TRIB2: variants seen among roughly 807,000 people sequenced by gnomAD.
TRIB2 encodes the protein tribbles homolog 2.
TRIB2 carries 2 observed loss-of-function variants against 26.8 expected under a neutral mutation model. The ratio of observed to expected loss-of-function variants is 0.07; its 90% CI spans 0.03 to 0.24. The LOEUF is 0.24. Among genes scored for constraint, TRIB2 ranks in the 10% least tolerant of loss-of-function variants. The probability of loss-of-function intolerance (pLI) is 1.00; values close to 1 mark genes in which losing one functional copy is unlikely to be tolerated. For synonymous variants in TRIB2, 189 were observed against 187.3 expected (o/e 1.01, Z -0.08); for missense variants, 306 against 449.0 (o/e 0.68, Z 2.88).
chr2:12,724,806 G>A, intron 2 of TRIB2: 3 of 1,611,980 alleles, frequency 1.9e-6, no homozygotes, highest in Non-Finnish European at 2.5e-6. Context: ...ATAATAAATT[G>A]GTGTATGTGC....
chr2:12,719,260 CCT>C (rs999922526), intron 1 of TRIB2, among the ~76,000 whole-genome samples: 25 of 152,086 alleles, frequency 1.6e-4, no homozygotes, highest in African/African-American at 5.8e-4. Flanking sequence ...CTGCTCATCC[CCT>C]CTCTTCCGTG....
chr2:12,738,514 G>A (rs1661636106), intron 2 of TRIB2, among the ~76,000 whole-genome samples: 2 of 152,092 alleles, frequency 1.3e-5, no homozygotes, highest in Admixed American at 1.3e-4. Flanking sequence ...AGCCTCCAGG[G>A]GTGTGATGAT....
rs567221281 is a variant in TRIB2, at chr2:12,728,049, T to A, written c.563+4497T>A. ...TGGGAAGGCCTGAGCTTGGGAGAAGTCCTGTTACTTCTATGTAGAGTCACA... is the reference window on the plus strand; with the variant it reads ...TGGGAAGGCCTGAGCTTGGGAGAAGACCTGTTACTTCTATGTAGAGTCACA... On this transcript the variant is annotated intron_variant, in intron 2 of 2. Coordinates refer to ENST00000155926, the MANE Select transcript of TRIB2 (RefSeq NM_021643.4). Among the ~76,000 whole-genome samples the A allele has an allele frequency of 1.2e-4, 19 of 152,318 alleles. No homozygotes were observed. In the South Asian group the frequency reaches 3.7e-3, roughly 30 times the overall value.
intron 2 of TRIB2, among the ~76,000 whole-genome samples, chr2:12,735,458 G>C: frequency 6.6e-6 from 1 of 152,110 alleles, no homozygotes; most frequent in South Asian, 2.1e-4. Context: ...TCCGCCAGCT[G>C]CTTGAGTAGG....
Position 12,717,042 on chromosome 2 carries a change from G to A in TRIB2, c.-1266G>A, listed in dbSNP as rs1029026818. The A allele has an allele frequency of 4.6e-5, 10 of 217,470 alleles. No homozygotes were observed. Among genetic ancestry groups the A allele is most frequent in the African/African-American group, 1.8e-4 (8 of 43,834 alleles). 13.5% of individuals were successfully genotyped at this position (217,470 alleles called of 1,614,324 possible). A position where few individuals can be genotyped will look rare whatever the true frequency, so the allele number is the denominator to read the frequency against. On this transcript the variant is annotated 5_prime_UTR_variant, in exon 1 of 3. Transcript: ENST00000155926. This position sits in a 1 kb window ranked among gnomAD's most constrained non-coding sequence, Gnocchi z 4.8. ...AACTATTAATACCGCCTCGCCGGGGGATGCGGGCGTGCTGAGCGCGGGGAT... is the reference window on the plus strand; with the variant it reads ...AACTATTAATACCGCCTCGCCGGGGAATGCGGGCGTGCTGAGCGCGGGGAT...
At chr2:12,723,701 C>A in intron 2 of TRIB2, 149 bp downstream of exon 2, 1 of 945,372 alleles carries the variant, frequency 1.1e-6, no homozygotes, top group Non-Finnish European at 1.5e-6. Flanking sequence ...GTGAATATTG[C>A]AATTTTCAAG....
chr2:12,733,984 G>A (rs933612712), intron 2 of TRIB2, among the ~76,000 whole-genome samples: 5 of 152,196 alleles, frequency 3.3e-5, no homozygotes, highest in African/African-American at 4.8e-5. Flanking sequence ...ACCTGGCACC[G>A]GGATCCGGTG....
At chr2:12,739,723 A>G (rs983630706) in intron 2 of TRIB2, among the ~76,000 whole-genome samples, 1 of 152,236 alleles carries the variant, frequency 6.6e-6, no homozygotes, top group Admixed American at 6.5e-5. Context: ...TCCATTTCCC[A>G]GCTAACAGGT....
chr2:12,730,885 C>A (rs184473587), intron 2 of TRIB2, among the ~76,000 whole-genome samples: 3 of 152,276 alleles, frequency 2.0e-5, no homozygotes, highest in Non-Finnish European at 4.4e-5. Flanking sequence ...CGAGTCCAGG[C>A]TATTTGAAAT....
chr2:12,717,084 C>T lies in TRIB2; in HGVS notation c.-1224C>T, dbSNP rs1469794509. ...CGCGGGGATTGGCCTCGGGCACCGT[C>T]GGCCGTCCCCTTTAATTTTTAAATA... On this transcript the variant is annotated 5_prime_UTR_variant, in exon 1 of 3. Transcript: ENST00000155926. This position sits in a 1 kb window ranked among gnomAD's most constrained non-coding sequence, Gnocchi z 4.8. 1.1e-5 allele frequency: 3 copies of T among 274,370 alleles called. No homozygotes were observed. The highest frequency in any genetic ancestry group is 2.0e-5 in the Non-Finnish European group (3 of 148,432). 17.0% of individuals were successfully genotyped at this position (274,370 alleles called of 1,614,324 possible). A position where few individuals can be genotyped will look rare whatever the true frequency, so the allele number is the denominator to read the frequency against.
chr2:12,717,567 A>C lies in TRIB2; in HGVS notation c.-741A>C, dbSNP rs1666620088. On this transcript the variant is annotated 5_prime_UTR_variant, in exon 1 of 3. Coordinates refer to ENST00000155926, the MANE Select transcript of TRIB2 (RefSeq NM_021643.4). This position sits in a 1 kb window ranked among gnomAD's most constrained non-coding sequence, Gnocchi z 4.8. Reference sequence around the variant, plus strand: ...CCAGCTTTTGCAATCTTTTGTTGGCAGCGCTGACCGCACCAAGTTAAATGC... The same window carrying C: ...CCAGCTTTTGCAATCTTTTGTTGGCCGCGCTGACCGCACCAAGTTAAATGC... The C allele has an allele frequency of 2.5e-6, 1 of 398,178 alleles. No homozygotes were observed. The highest frequency in any genetic ancestry group is 2.1e-5 in the African/African-American group (1 of 48,756). The allele number at this position is 398,178 out of a possible 1,614,324, so 24.7% of individuals were successfully genotyped here.
chr2:12,733,411 C>T (rs1282091667), intron 2 of TRIB2, among the ~76,000 whole-genome samples: 2 of 152,084 alleles, frequency 1.3e-5, no homozygotes, highest in Non-Finnish European at 2.9e-5. Flanking sequence ...GATTTTAGTA[C>T]CAGAATGTAT....
intron 2 of TRIB2, among the ~76,000 whole-genome samples, chr2:12,738,395 T>C (rs1432918340): frequency 6.6e-6 from 1 of 152,198 alleles, no homozygotes; most frequent in Admixed American, 6.5e-5. Context: ...TGCGCTTGCA[T>C]GTGTGCTTTT....
intron 1 of TRIB2, among the ~76,000 whole-genome samples, chr2:12,721,566 A>C (rs1205483481): frequency 1.3e-5 from 2 of 152,206 alleles, no homozygotes; most frequent in African/African-American, 4.8e-5. Context: ...TCAGATTCCT[A>C]ATTGAACAGG....
In TRIB2 at chr2:12,718,009, A is replaced by C. The variant is rs187916442; in HGVS notation, c.-299A>C. 2.4e-6 allele frequency: 1 copy of C among 408,694 alleles called. No individual in the cohort carries two copies. The highest frequency in any genetic ancestry group is 3.9e-5 in the South Asian group (1 of 25,948). 25.3% of individuals were successfully genotyped at this position (408,694 alleles called of 1,614,324 possible). On this transcript the variant is annotated 5_prime_UTR_variant, in exon 1 of 3. Transcript: ENST00000155926. The surrounding 1 kb of genome is among the most constrained non-coding windows in gnomAD (Gnocchi z 4.0). ...TCATCCAGATCCACGCCGGGGACACACACACAGAGTAACTAAAAGTGCGGC... is the reference window on the plus strand; with the variant it reads ...TCATCCAGATCCACGCCGGGGACACCCACACAGAGTAACTAAAAGTGCGGC...
chr2:12,720,344 G>T (rs1661178591), intron 1 of TRIB2, among the ~76,000 whole-genome samples: 1 of 152,222 alleles, frequency 6.6e-6, no homozygotes, highest in Non-Finnish European at 1.5e-5. Flanking sequence ...ACCAATTACA[G>T]TGTGGCTGCA....
chr2:12,723,136 G>C, intron 1 of TRIB2, 124 bp from the exon 2 acceptor site: 1 of 1,099,924 alleles, frequency 9.1e-7, no homozygotes, highest in Non-Finnish European at 1.3e-6. Context: ...AATGTGGTCT[G>C]GGTCCAAGTT....
Position 12,717,066 on chromosome 2 carries a change from A to T in TRIB2, c.-1242A>T, listed in dbSNP as rs941190164. The stretch of plus-strand genomic sequence containing the variant: ...GGATGCGGGCGTGCTGAGCGCGGGG[A>T]TTGGCCTCGGGCACCGTCGGCCGTC... On this transcript the variant is annotated 5_prime_UTR_variant, in exon 1 of 3. Coordinates refer to ENST00000155926, the MANE Select transcript of TRIB2 (RefSeq NM_021643.4). This position sits in a 1 kb window ranked among gnomAD's most constrained non-coding sequence, Gnocchi z 4.8. 1 of 240,794 alleles carries T rather than the reference A, an allele frequency of 4.2e-6. No homozygotes were observed. Among genetic ancestry groups the T allele is most frequent in the African/African-American group, 2.2e-5 (1 of 44,564 alleles). 14.9% of individuals were successfully genotyped at this position (240,794 alleles called of 1,614,324 possible).
intron 2 of TRIB2, among the ~76,000 whole-genome samples, chr2:12,737,764 A>G (rs1256582262): frequency 6.6e-6 from 1 of 152,250 alleles, no homozygotes; most frequent in Non-Finnish European, 1.5e-5. Flanking sequence ...AGATGTTTGC[A>G]TGACAGTGTA....
Sources: allele counts gnomAD v4.1 joint callset (sites outside exome capture counted in the v4.1 genomes callset), GRCh38; gene constraint gnomAD v4.1.1; non-coding constraint Gnocchi (gnomAD v3.1); transcripts MANE v1.5; gene names NCBI Gene and HGNC (gene_info 2026-07-23, HGNC 2026-07-21).